DOCK2: variants seen among roughly 807,000 people sequenced by gnomAD.
The protein encoded by DOCK2 is dedicator of cytokinesis 2, also known as dedicator of cytokinesis protein 2.
A neutral mutation model predicts 248.9 loss-of-function variants in DOCK2; 87 were observed. The ratio of observed to expected loss-of-function variants is 0.35; its 90% CI spans 0.29 to 0.42. DOCK2 has a LOEUF of 0.42. DOCK2 is among the 10% of genes least tolerant of loss of function. The pLI is 1.00. For synonymous variants in DOCK2, 805 were observed against 821.6 expected, an observed-to-expected ratio of 0.98 and a Z score of 0.35; for missense variants, 1,747 against 2,300.2, an observed-to-expected ratio of 0.76 and a Z score of 4.92.
chr5:169,825,457 C>A (rs149145045), intron 26 of DOCK2, among the ~76,000 whole-genome samples: 16,711 of 150,788 alleles, frequency 0.11, 1,242 homozygotes, highest in East Asian at 0.4. Flanking sequence ...ATGATGAGTT[C>A]ATGTCCTTTG....
intron 47 of DOCK2, among the ~76,000 whole-genome samples, chr5:170,077,500 G>A (rs1048281873): frequency 6.6e-6 from 1 of 152,194 alleles, no homozygotes; most frequent in Non-Finnish European, 1.5e-5. Flanking sequence ...CAAAGTTTTA[G>A]ATATTACCTT....
chr5:169,730,585 C>A (rs556904889), intron 22 of DOCK2, among the ~76,000 whole-genome samples: 3 of 152,290 alleles, frequency 2.0e-5, no homozygotes, highest in South Asian at 4.1e-4. Flanking sequence ...ATGGACCACA[C>A]GTGTGTCGTA....
intron 34 of DOCK2, among the ~76,000 whole-genome samples, chr5:170,030,018 A>G (rs150377515): frequency 1.1e-3 from 162 of 152,338 alleles, no homozygotes; most frequent in African/African-American, 3.7e-3. Context: ...TCAGGTGGAT[A>G]TGGAGACTGA....
intron 47 of DOCK2, 21 bp downstream of exon 47, chr5:170,076,105 T>G: frequency 6.2e-7 from 1 of 1,612,830 alleles, no homozygotes; most frequent in Non-Finnish European, 8.5e-7. Flanking sequence ...TTCCTATGGC[T>G]TGGAGGGGTG....
chr5:169,926,276 C>G (rs1775451344), intron 27 of DOCK2, among the ~76,000 whole-genome samples: 1 of 152,220 alleles, frequency 6.6e-6, no homozygotes, highest in Non-Finnish European at 1.5e-5. Flanking sequence ...GCAGACCCTG[C>G]TCCTTACTTG....
At chr5:169,861,261 T>A (rs1275009377) in intron 27 of DOCK2, among the ~76,000 whole-genome samples, 1 of 152,236 alleles carries the variant, frequency 6.6e-6, no homozygotes, top group Non-Finnish European at 1.5e-5. Flanking sequence ...AAGCATACAT[T>A]TTATAACTGA....
chr5:170,083,015 T>C lies in DOCK2; in HGVS notation c.*157T>C. 1.1e-6 allele frequency: 1 copy of C among 892,682 alleles called. No individual in the cohort carries two copies. The allele number at this position is 892,682 out of a possible 1,614,324, so 55.3% of individuals were successfully genotyped here. A position where few individuals can be genotyped will look rare whatever the true frequency, so the allele number is the denominator to read the frequency against. On this transcript the variant is annotated 3_prime_UTR_variant, in exon 52 of 52. Transcript: ENST00000520908. Reference sequence around the variant, plus strand: ...AGAGAGGCCAATCAGGTCCCAGAGCTTGAATGCTAACAAGCCCAGCATCCC... The same window carrying C: ...AGAGAGGCCAATCAGGTCCCAGAGCCTGAATGCTAACAAGCCCAGCATCCC...
At position 169,981,932 on chromosome 5, in the gene DOCK2, T is replaced by A. The variant is rs1244208354; in HGVS notation, c.2800-1136T>A. On this transcript the variant is annotated intron_variant, in intron 27 of 51. Coordinates refer to ENST00000520908, the MANE Select transcript of DOCK2 (RefSeq NM_004946.3). ...TCATGCGACTGGCTTGATTGTGATA[T>A]TCACTTTATTGCGGTGGTCTGGAAC... 1.1e-4 allele frequency among the ~76,000 whole-genome samples: 16 copies of A among 152,222 alleles called. 1 individual carries two copies. The highest frequency in any genetic ancestry group is 1.0e-3 in the Admixed American group (16 of 15,276).
intron 27 of DOCK2, among the ~76,000 whole-genome samples, chr5:169,929,110 A>G (rs1486425382): frequency 6.6e-6 from 1 of 152,182 alleles, no homozygotes; most frequent in Non-Finnish European, 1.5e-5. Context: ...CCCTGCCTTG[A>G]AAGGGAACCA....
intron 23 of DOCK2, among the ~76,000 whole-genome samples, chr5:169,755,237 C>T (rs1581143710): frequency 6.6e-6 from 1 of 152,000 alleles, no homozygotes; most frequent in African/African-American, 2.4e-5. Flanking sequence ...GGCAACCATG[C>T]CCAGCCATGA....
intron 27 of DOCK2, among the ~76,000 whole-genome samples, chr5:169,925,092 C>G (rs2113662840): frequency 6.6e-6 from 1 of 152,226 alleles, no homozygotes; most frequent in South Asian, 2.1e-4. Context: ...TTTTTCTTCA[C>G]TATCCACCCC....
intron 27 of DOCK2, among the ~76,000 whole-genome samples, chr5:169,965,181 C>A (rs530922246): frequency 2.0e-5 from 3 of 152,354 alleles, no homozygotes; most frequent in Admixed American, 2.0e-4. Context: ...GATACATTTT[C>A]TTGAATACCC....
At chr5:169,733,511 TTTATG>T (rs1762887761) in intron 22 of DOCK2, among the ~76,000 whole-genome samples, 2 of 152,018 alleles carry the variant, frequency 1.3e-5, no homozygotes, top group South Asian at 4.1e-4. Flanking sequence ...GATGGTAAAT[TTTATG>T]TTATATGTTT....
In DOCK2 at chr5:169,682,830, C is replaced by T. The variant is rs1452821707; in HGVS notation, c.606+951C>T. 2.0e-5 allele frequency among the ~76,000 whole-genome samples: 3 copies of T among 152,284 alleles called. No homozygotes were observed. In the South Asian group the frequency reaches 6.2e-4, roughly 32 times the overall value. ...TTCTCCAGCCCCAAGCCCCGTGCAA[C>T]CCCTAATTTCCTGTCACTGTAGATT... is the stretch of plus-strand genomic sequence containing the variant. On this transcript the variant is annotated intron_variant, in intron 7 of 51. Coordinates refer to ENST00000520908, the MANE Select transcript of DOCK2 (RefSeq NM_004946.3).
intron 29 of DOCK2, among the ~76,000 whole-genome samples, chr5:169,994,842 G>A (rs1311089781): frequency 1.3e-5 from 2 of 152,094 alleles, no homozygotes; most frequent in Non-Finnish European, 2.9e-5. Context: ...TTGATATGAT[G>A]GAGCTGTCCT....
Position 170,029,644 on chromosome 5 carries a change from C to T in DOCK2, c.3467+1696C>T, listed in dbSNP as rs75075125. Among the ~76,000 whole-genome samples, 483 of 152,284 alleles carry T rather than the reference C, an allele frequency of 3.2e-3. 2 individuals carry two copies. Among genetic ancestry groups the T allele is most frequent in the Non-Finnish European group, 4.3e-3 (290 of 68,022 alleles). On this transcript the variant is annotated intron_variant, in intron 34 of 51. Transcript: ENST00000520908. ...TGTCTTTGACAGCTTGGTAATTGCC[C>T]CCTTCTCCCGCGAGGCCTTCTCCTA...
intron 27 of DOCK2, among the ~76,000 whole-genome samples, chr5:169,953,743 C>T (rs911273239): frequency 6.6e-6 from 1 of 152,130 alleles, no homozygotes; most frequent in Admixed American, 6.5e-5. Context: ...CCTCCCTTCT[C>T]AACCTGCCAG....
chr5:169,684,472 G>A, intron 8 of DOCK2, 122 bp downstream of exon 8: 1 of 1,303,820 alleles, frequency 7.7e-7, no homozygotes, highest in Non-Finnish European at 1.0e-6. Context: ...ACCTGAGTGA[G>A]AATGTGGAAA....
intron 27 of DOCK2, among the ~76,000 whole-genome samples, chr5:169,942,975 C>A (rs966660935): frequency 6.6e-6 from 1 of 152,164 alleles, no homozygotes; most frequent in Non-Finnish European, 1.5e-5. Context: ...CCTGGCAAAT[C>A]GTATGCGTGG....
Sources: gnomAD v4.1 joint callset for allele counts (sites outside exome capture counted in the v4.1 genomes callset) on GRCh38, gnomAD v4.1.1 for gene constraint, MANE v1.5 for transcripts, NCBI Gene and HGNC (gene_info 2026-07-23, HGNC 2026-07-21) for gene names.